SASH1: variants seen among roughly 807,000 people sequenced by gnomAD.
SASH1 encodes SAM and SH3 domain-containing protein 1.
SASH1 carries 44 observed loss-of-function variants against 125.2 expected under a neutral mutation model. The observed-to-expected ratio is 0.35, with a 90% CI of 0.28 to 0.45. SASH1 has a LOEUF of 0.45. SASH1 is among the 20% of genes least tolerant of loss of function. The pLI is 1.00. For missense variants in SASH1, 1,426 were observed against 1,614.5 expected (o/e 0.88, Z 2.00); for synonymous variants, 639 against 649.1 (o/e 0.98, Z 0.24).
chr6:148,394,002 C>T (rs1583077853), intron 2 of SASH1, among the ~76,000 whole-genome samples: 1 of 148,484 alleles, frequency 6.7e-6, no homozygotes, highest in East Asian at 2.0e-4. Flanking sequence ...AAGTAGTTCT[C>T]TTGCCTCATC....
chr6:148,343,339 C>T, intron 1 of SASH1, 116 bp downstream of exon 1: 1 of 935,732 alleles, frequency 1.1e-6, no homozygotes, highest in Non-Finnish European at 1.6e-6. Context: ...AGGCGTCCTT[C>T]TCTGGCTCTA....
At chr6:148,338,910 C>T (rs1582984660), upstream of SASH1, among the ~76,000 whole-genome samples, 1 of 147,468 alleles carries the variant, frequency 6.8e-6, no homozygotes, top group Non-Finnish European at 1.5e-5. Flanking sequence ...GAGGATGAGG[C>T]AGGAGAATTG....
chr6:148,227,877 G>T, the SASH1 span, among the ~76,000 whole-genome samples: 2 of 152,114 alleles, frequency 1.3e-5, no homozygotes, highest in African/African-American at 4.8e-5. Context: ...GTGCAAAGAA[G>T]AGGTTTGATC....
At chr6:148,218,075 G>A in the SASH1 span, among the ~76,000 whole-genome samples, 32 of 151,890 alleles carry the variant, frequency 2.1e-4, no homozygotes, top group Admixed American at 9.2e-4. Flanking sequence ...AGAAGCTCCC[G>A]TTCCCAGGCA....
intron 4 of SASH1, among the ~76,000 whole-genome samples, chr6:148,449,785 C>T (rs1312614017): frequency 6.6e-6 from 1 of 152,188 alleles, no homozygotes; most frequent in East Asian, 1.9e-4. Flanking sequence ...GGAGGGCCGT[C>T]CTGTGGGGTG....
At position 148,478,070 on chromosome 6, in the gene SASH1, T is replaced by C. The variant is rs142293563; in HGVS notation, c.627+3848T>C. On this transcript the variant is annotated intron_variant, in intron 7 of 19. Transcript: ENST00000367467. ...ATATGGAGAAAGGGGGACCCTCATATATTGTTGATGGGAATGTAAATTATT... is the reference window on the plus strand; with the variant it reads ...ATATGGAGAAAGGGGGACCCTCATACATTGTTGATGGGAATGTAAATTATT... Among the ~76,000 whole-genome samples, 14 of 152,286 alleles carry C rather than the reference T, an allele frequency of 9.2e-5. No individual in the cohort carries two copies. In the East Asian group the frequency reaches 2.5e-3, roughly 27 times the overall value.
chr6:148,366,367 T>C (rs1364279386), intron 1 of SASH1, among the ~76,000 whole-genome samples: 1 of 152,122 alleles, frequency 6.6e-6, no homozygotes, highest in East Asian at 1.9e-4. Context: ...AGGAACTTAG[T>C]TGCTAAGATA....
intron 2 of SASH1, among the ~76,000 whole-genome samples, chr6:148,413,753 C>T (rs1311093421): frequency 6.6e-6 from 1 of 152,140 alleles, no homozygotes; most frequent in Non-Finnish European, 1.5e-5. Flanking sequence ...ACCACCCTAC[C>T]TTCCTTCCTC....
the SASH1 span, among the ~76,000 whole-genome samples, chr6:148,262,743 C>T: frequency 4.6e-5 from 7 of 152,152 alleles, no homozygotes; most frequent in Non-Finnish European, 8.8e-5. Context: ...ATCAGCCAGG[C>T]ATGGTGGCAG....
intron 1 of SASH1, among the ~76,000 whole-genome samples, chr6:148,326,376 A>ATATATATATATATACATTCTTTTCTT (rs1582968893): frequency 7.8e-5 from 3 of 38,302 alleles, no homozygotes; most frequent in Non-Finnish European, 1.5e-4. Flanking sequence ...ATATATATAC[A>ATATATATATATATACATTCTTTTCTT]TTCTTTTCTT....
At chr6:148,308,623 T>A (rs1780210193) in intron 1 of SASH1, among the ~76,000 whole-genome samples, 1 of 151,022 alleles carries the variant, frequency 6.6e-6, no homozygotes, top group Non-Finnish European at 1.5e-5. Context: ...CTCGAACTCC[T>A]GACGTCAGGT....
chr6:148,363,409 CT>C (rs909353517), intron 1 of SASH1, among the ~76,000 whole-genome samples: 3 of 148,594 alleles, frequency 2.0e-5, no homozygotes, highest in South Asian at 2.2e-4. Context: ...CCCAACACTT[CT>C]TTTTTTTTTG....
At chr6:148,295,835 G>T (rs979220271) in intron 1 of SASH1, among the ~76,000 whole-genome samples, 6 of 152,210 alleles carry the variant, frequency 3.9e-5, no homozygotes, top group Non-Finnish European at 8.8e-5. Context: ...TCACCTGGTG[G>T]GTGGGGACAA....
At chr6:148,490,463 C>T (rs1779062182) in intron 8 of SASH1, among the ~76,000 whole-genome samples, 1 of 152,220 alleles carries the variant, frequency 6.6e-6, no homozygotes, top group Non-Finnish European at 1.5e-5. Flanking sequence ...CCACCTCGGG[C>T]TCCCAAAATG....
intron 1 of SASH1, among the ~76,000 whole-genome samples, chr6:148,310,650 C>T (rs1780302090): frequency 6.6e-6 from 1 of 151,952 alleles, no homozygotes; most frequent in African/African-American, 2.4e-5. Flanking sequence ...GGACTTGTAT[C>T]CAGAATATAT....
At chr6:148,510,017 T>C (rs11751252) in intron 8 of SASH1, among the ~76,000 whole-genome samples, 12,595 of 152,288 alleles carry the variant, frequency 0.083, 669 homozygotes, top group Non-Finnish European at 0.12. Flanking sequence ...AATGGTGTGC[T>C]ATCTCTTTAA....
chr6:148,218,552 G>A, the SASH1 span, among the ~76,000 whole-genome samples: 5 of 152,318 alleles, frequency 3.3e-5, no homozygotes, highest in Non-Finnish European at 5.9e-5. Flanking sequence ...GTGGGTATCT[G>A]ACTTTTGCAG....
intron 1 of SASH1, among the ~76,000 whole-genome samples, chr6:148,276,769 G>A (rs1226989608): frequency 2.6e-5 from 4 of 152,064 alleles, no homozygotes; most frequent in Non-Finnish European, 5.9e-5. Context: ...AGTGCCTTGT[G>A]TAGTTCCAAG....
the SASH1 span, among the ~76,000 whole-genome samples, chr6:148,251,276 CAAAG>C: frequency 6.6e-6 from 1 of 152,156 alleles, no homozygotes; most frequent in East Asian, 1.9e-4. Flanking sequence ...GGCTTACAAA[CAAAG>C]AGTGATTCTG....
Sources: allele counts gnomAD v4.1 joint callset (sites outside exome capture counted in the v4.1 genomes callset), GRCh38; gene constraint gnomAD v4.1.1; transcripts MANE v1.5; gene names NCBI Gene and HGNC (gene_info 2026-07-23, HGNC 2026-07-21).